Variants in TCF20 observed in about 807,000 individuals in gnomAD.
TCF20 encodes transcription factor 20, also known as SPRE-binding protein.
A neutral mutation model predicts 148.6 loss-of-function variants in TCF20; 3 were observed. That is an observed-to-expected ratio of 0.02 (90% CI 0.01 to 0.05). The LOEUF (loss-of-function observed/expected upper bound fraction) is 0.05, where lower values mean the gene tolerates loss of function less well. Among genes scored for constraint, TCF20 ranks in the 10% least tolerant of loss-of-function variants. The pLI, the probability that TCF20 is intolerant of heterozygous loss-of-function variation, is 1.00. For synonymous variants in TCF20, 1,049 were observed against 909.5 expected, an observed-to-expected ratio of 1.15 and a Z score of -2.76; for missense variants, 2,350 against 2,429.3, an observed-to-expected ratio of 0.97 and a Z score of 0.69.
chr22:42,280,621 C>T (rs1010190321), intron 1 of TCF20, among the ~76,000 whole-genome samples: 3 of 152,212 alleles, frequency 2.0e-5, no homozygotes, highest in Non-Finnish European at 4.4e-5. Flanking sequence ...CTGCAAATCT[C>T]GCAGTCAGTG....
chr22:42,276,799 G>A (rs547283737), intron 1 of TCF20: 3 of 152,274 alleles, frequency 2.0e-5, no homozygotes, highest in South Asian at 4.1e-4. Context: ...GCGAGCTCTC[G>A]GGGATAATTG....
chr22:42,221,175 T>C (rs182462863), intron 1 of TCF20, among the ~76,000 whole-genome samples: 2 of 152,248 alleles, frequency 1.3e-5, no homozygotes, highest in East Asian at 1.9e-4. Flanking sequence ...TAGAGGTTGA[T>C]GATATTCCCT....
In TCF20 at chr22:42,249,145, C is replaced by A. The variant is rs547059920; in HGVS notation, c.-37+21194G>T. On this transcript the variant is annotated intron_variant, in intron 1 of 5. Coordinates refer to ENST00000677622, the MANE Select transcript of TCF20 (RefSeq NM_001378418.1). The stretch of plus-strand genomic sequence containing the variant: ...CTCCAGGCTTGCCAGCCTTTGGACT[C>A]CAGGACTTAACCAGTGGCCCCCTGA... Among the ~76,000 whole-genome samples, 10 of 152,314 alleles carry A rather than the reference C, an allele frequency of 6.6e-5. No homozygotes were observed. In the East Asian group the frequency reaches 1.9e-3, roughly 29 times the overall value.
chr22:42,161,063 T>C lies in TCF20; in HGVS notation c.*340A>G, dbSNP rs1215171079. The stretch of plus-strand genomic sequence containing the variant: ...CAGACTAAAAATAGATTTATATATA[T>C]ATATTTATCCCTCCCTTTTAATTCC... On this transcript the variant is annotated 3_prime_UTR_variant, in exon 6 of 6. Transcript: ENST00000677622. 1 of 355,712 alleles carries C rather than the reference T, an allele frequency of 2.8e-6. No homozygotes were observed. The highest frequency in any genetic ancestry group is 2.1e-5 in the African/African-American group (1 of 47,982). 22.0% of individuals were successfully genotyped at this position (355,712 alleles called of 1,614,324 possible).
chr22:42,168,558 C>T (rs908655968), intron 5 of TCF20, 51 bp downstream of exon 5: 35 of 1,534,666 alleles, frequency 2.3e-5, no homozygotes, highest in African/African-American at 1.2e-4. Flanking sequence ...GAGGCAACGA[C>T]GCCTGCTGGG....
At position 42,242,259 on chromosome 22, in the gene TCF20, G is replaced by A. The variant is rs1267243106; in HGVS notation, c.-36-26918C>T. ...AGAAAGGGTGACTACAAGGTTGAAT[G>A]TATCCCTGTATGGGTGGACTCTTAG... On this transcript the variant is annotated intron_variant, in intron 1 of 5. Coordinates refer to ENST00000677622, the MANE Select transcript of TCF20 (RefSeq NM_001378418.1). Among the ~76,000 whole-genome samples the A allele has an allele frequency of 7.6e-5, 11 of 145,690 alleles. No homozygotes were observed. The East Asian group carries it at 2.2e-3, about 29-fold the overall frequency.
intron 1 of TCF20, among the ~76,000 whole-genome samples, chr22:42,322,819 C>T (rs1927759598): frequency 7.7e-6 from 1 of 130,538 alleles, no homozygotes; most frequent in East Asian, 2.1e-4. Flanking sequence ...AATGAATGTG[C>T]CTCCTGGCAG....
intron 2 of TCF20, among the ~76,000 whole-genome samples, chr22:42,203,547 C>T (rs185447218): frequency 1.7e-3 from 255 of 152,236 alleles, no homozygotes; most frequent in African/African-American, 5.6e-3. Flanking sequence ...AGAAAATGAA[C>T]CTTTTCTCTG....
upstream of TCF20, among the ~76,000 whole-genome samples, chr22:42,273,646 AC>A (rs1204775003): frequency 6.6e-6 from 1 of 151,486 alleles, no homozygotes; most frequent in African/African-American, 2.4e-5. Flanking sequence ...AAAAAAAAAA[AC>A]AAACAAAAAA....
Position 42,210,105 on chromosome 22 carries a change from G to A in TCF20, c.5201C>T (p.Pro1734Leu), listed in dbSNP as rs767396058. 1.0e-4 allele frequency: 164 copies of A among 1,613,898 alleles called. No homozygotes were observed. Among genetic ancestry groups the A allele is most frequent in the Non-Finnish European group, 1.3e-4 (149 of 1,180,034 alleles). ...GGCCCTCTTAGGAGGTGGATTCTTC[G>A]GGAGAGTGGCTGCATAATCTTGGGG... Reference protein sequence around the residue: ...FYPQDYAATLPKNPPPKRATE... With the variant: ...FYPQDYAATLLKNPPPKRATE... Residue 1734 changes from proline to leucine, a missense_variant, in exon 2 of 6, where the codon CCG becomes CTG. Physicochemically the swap from Pro to Leu is moderately conservative, Grantham distance 98 (BLOSUM62 -3). Coordinates refer to ENST00000677622, the MANE Select transcript of TCF20 (RefSeq NM_001378418.1). This position sits in a 1 kb window ranked among gnomAD's most constrained non-coding sequence, Gnocchi z 4.7.
At chr22:42,285,890 C>A (rs1272557981), upstream of TCF20, among the ~76,000 whole-genome samples, 2 of 152,206 alleles carry the variant, frequency 1.3e-5, no homozygotes, top group East Asian at 3.8e-4. The surrounding 1 kb of genome is among the most constrained non-coding windows in gnomAD (Gnocchi z 4.2). Context: ...ACCTCACTTC[C>A]TCTGAGAAGC....
rs1355861464 is a variant in TCF20 at position 42,211,266 on chromosome 22, C to A, written c.4040G>T (p.Gly1347Val). The change falls in exon 2 of 6, where the codon GGA becomes GTA. Residue 1347 changes from glycine (G) to valine (V), a missense_variant. Gly to Val is a moderately radical substitution (Grantham distance 109). Transcript: ENST00000677622. ...AKTKILPPRK[G>V]RGLKLEAIVQ... ...TATAGCTTCCAATTTCAATCCCCGT[C>A]CTTTCCGTGGGGGCAGTATTTTGGT... The A allele has an allele frequency of 1.7e-5, 27 of 1,614,030 alleles. No homozygotes were observed. Among genetic ancestry groups the A allele is most frequent in the Non-Finnish European group, 2.3e-5 (27 of 1,180,040 alleles).
In TCF20 at chr22:42,279,523, C is replaced by G. The variant is rs1273905201; in HGVS notation, c.-37+4304G>C. 6.6e-6 allele frequency among the ~76,000 whole-genome samples: 1 copy of G among 152,164 alleles called. No individual in the cohort carries two copies. Among genetic ancestry groups the G allele is most frequent in the East Asian group, 1.9e-4 (1 of 5,190 alleles). ...GGACAGAGGGCAATGTGACCTTCGG[C>G]AAGCTCCCTAAGCTCCTGAAGCCTC... On this transcript the variant is annotated intron_variant, in intron 1 of 5. Coordinates refer to the TCF20 transcript ENST00000359486. The surrounding 1 kb of genome is among the most constrained non-coding windows in gnomAD (Gnocchi z 4.3).
chr22:42,240,303 A>G (rs1398184637), intron 1 of TCF20, among the ~76,000 whole-genome samples: 1 of 152,192 alleles, frequency 6.6e-6, no homozygotes, highest in African/African-American at 2.4e-5. Flanking sequence ...GCACCCACCA[A>G]CCAATACCAC....
In TCF20 at chr22:42,169,828, C is replaced by T. The variant is rs1444700047; in HGVS notation, c.5799+19G>A. On this transcript the variant is annotated intron_variant, in intron 4 of 5. Coordinates refer to ENST00000677622, the MANE Select transcript of TCF20 (RefSeq NM_001378418.1). The stretch of plus-strand genomic sequence containing the variant: ...CTCGATCCCATCCCTGCTGGTAGCT[C>T]TTGGGGCCTCTGACTCACCTTGTGC... The T allele has an allele frequency of 2.5e-6, 4 of 1,613,314 alleles. No individual in the cohort carries two copies. The East Asian group carries it at 6.7e-5, about 27-fold the overall frequency.
At chr22:42,242,218 A>AAAAAAAAAAAAAAAC (rs1555942526) in intron 1 of TCF20, among the ~76,000 whole-genome samples, 4 of 142,692 alleles carry the variant, frequency 2.8e-5, no homozygotes, top group Admixed American at 7.0e-5. Flanking sequence ...AAAAAAAAAA[A>AAAAAAAAAAAAAAAC]AAAAAAAAAC....
intron 3 of TCF20, among the ~76,000 whole-genome samples, chr22:42,174,163 GT>G (rs1219226604): frequency 1.3e-5 from 2 of 152,072 alleles, no homozygotes; most frequent in Non-Finnish European, 2.9e-5. Context: ...GTTGAGGAGG[GT>G]AGCTCTAAGC....
upstream of TCF20, among the ~76,000 whole-genome samples, chr22:42,272,565 A>G (rs377207815): frequency 6.6e-6 from 1 of 152,126 alleles, no homozygotes; most frequent in Admixed American, 6.5e-5. Flanking sequence ...CAGACAGATA[A>G]CTGGAGTCCA....
intron 3 of TCF20, among the ~76,000 whole-genome samples, chr22:42,170,626 C>CAAAAAAAAAAAAAAAAAAAAA (rs58579686): frequency 4.2e-5 from 3 of 72,104 alleles, no homozygotes; most frequent in African/African-American, 1.8e-4. Context: ...GACTCCGTCT[C>CAAAAAAAAAAAAAAAAAAAAA]AAAAAAAAAA....
Sources: gnomAD v4.1 joint callset for allele counts (sites outside exome capture counted in the v4.1 genomes callset) on GRCh38, gnomAD v4.1.1 for gene constraint, Gnocchi (gnomAD v3.1) non-coding constraint, MANE v1.5 for transcripts, NCBI Gene and HGNC (gene_info 2026-07-23, HGNC 2026-07-21) for gene names.